CHRM3: variants seen among roughly 807,000 people sequenced by gnomAD.
CHRM3 encodes muscarinic acetylcholine receptor M3.
A neutral mutation model predicts 41.8 loss-of-function variants in CHRM3; 11 were observed. That is an observed-to-expected ratio of 0.26 (90% CI 0.17 to 0.44). CHRM3 has a LOEUF of 0.44. CHRM3 is among the 20% of genes least tolerant of loss of function. The pLI, the probability that CHRM3 is intolerant of heterozygous loss-of-function variation, is 1.00. For synonymous variants in CHRM3, 297 were observed against 301.4 expected (o/e 0.99, Z 0.15); for missense variants, 571 against 745.4 (o/e 0.77, Z 2.72).
intron 1 of CHRM3, among the ~76,000 whole-genome samples, chr1:239,453,929 GCA>G (rs1468454934): frequency 3.3e-5 from 5 of 152,260 alleles, no homozygotes; most frequent in South Asian, 2.1e-4. Context: ...TCAGACCGCA[GCA>G]CAGTTAGGAG....
intron 2 of CHRM3, among the ~76,000 whole-genome samples, chr1:239,532,178 A>G (rs1359547146): frequency 6.9e-6 from 1 of 145,398 alleles, no homozygotes; most frequent in Non-Finnish European, 1.5e-5. Context: ...CGCCCGGCTA[A>G]TTATTTGTAT....
At chr1:239,891,259 G>A (rs1257706986) in intron 6 of CHRM3, among the ~76,000 whole-genome samples, 1 of 151,918 alleles carries the variant, frequency 6.6e-6, no homozygotes, top group Non-Finnish European at 1.5e-5. Flanking sequence ...AATTCAATGG[G>A]GTTTTCTAAA....
intron 4 of CHRM3, among the ~76,000 whole-genome samples, chr1:239,658,058 A>C (rs375008116): frequency 5.3e-5 from 8 of 152,260 alleles, no homozygotes; most frequent in African/African-American, 1.9e-4. Context: ...GAAATTTCAT[A>C]ATTTGCTCTT....
intron 2 of CHRM3, among the ~76,000 whole-genome samples, chr1:239,496,120 T>C (rs1025374421): frequency 2.0e-5 from 3 of 152,122 alleles, no homozygotes; most frequent in African/African-American, 7.2e-5. Flanking sequence ...TTGGCTGACG[T>C]CTCTCTATTT....
At chr1:239,630,298 G>A (rs941528540) in intron 3 of CHRM3, among the ~76,000 whole-genome samples, 5 of 152,080 alleles carry the variant, frequency 3.3e-5, no homozygotes, top group Admixed American at 6.6e-5. Context: ...GCAATGTTGG[G>A]ACTCCTAATT....
chr1:239,402,977 C>A (rs767772326), intron 1 of CHRM3, among the ~76,000 whole-genome samples: 1 of 151,844 alleles, frequency 6.6e-6, no homozygotes, highest in Non-Finnish European at 1.5e-5. Context: ...ATTTTTGATG[C>A]GAGATTAGTT....
At chr1:239,838,098 A>G (rs1238324820) in intron 6 of CHRM3, among the ~76,000 whole-genome samples, 2 of 152,230 alleles carry the variant, frequency 1.3e-5, no homozygotes, top group African/African-American at 2.4e-5. Context: ...AAAGGCCAGG[A>G]CATGTAAAAA....
At chr1:239,436,104 T>A (rs1456175341) in intron 1 of CHRM3, among the ~76,000 whole-genome samples, 2 of 152,162 alleles carry the variant, frequency 1.3e-5, no homozygotes, top group African/African-American at 4.8e-5. Context: ...TGAATATGTG[T>A]GTGTGCATGT....
intron 1 of CHRM3, among the ~76,000 whole-genome samples, chr1:239,414,752 T>G (rs60146392): frequency 0.21 from 31,956 of 152,182 alleles, 3,407 homozygotes; most frequent in South Asian, 0.31. Context: ...GCTTCTGGCC[T>G]TAAGGAACAC....
At chr1:239,416,983 T>A (rs762821476) in intron 1 of CHRM3, among the ~76,000 whole-genome samples, 13 of 152,290 alleles carry the variant, frequency 8.5e-5, no homozygotes, top group Middle Eastern at 3.4e-3. Flanking sequence ...CTATAATGTC[T>A]TGAGAGTTTT....
chr1:239,790,018 C>T (rs79445802), intron 5 of CHRM3, among the ~76,000 whole-genome samples: 4,351 of 152,210 alleles, frequency 0.029, 213 homozygotes, highest in African/African-American at 0.097. Flanking sequence ...CCCCGTTTGG[C>T]GAATTTCTAC....
At chr1:239,792,593 A>G (rs1163749357) in intron 5 of CHRM3, among the ~76,000 whole-genome samples, 1 of 152,218 alleles carries the variant, frequency 6.6e-6, no homozygotes, top group Non-Finnish European at 1.5e-5. Context: ...AAAAACCTAT[A>G]TAGAGGATGA....
intron 5 of CHRM3, among the ~76,000 whole-genome samples, chr1:239,777,328 T>C (rs1464211391): frequency 6.6e-6 from 1 of 152,132 alleles, no homozygotes; most frequent in Non-Finnish European, 1.5e-5. Context: ...TGGAACAACG[T>C]TTGAGGGAGG....
At chr1:239,904,932 A>T (rs2103033362) in intron 6 of CHRM3, among the ~76,000 whole-genome samples, 1 of 152,324 alleles carries the variant, frequency 6.6e-6, no homozygotes, top group South Asian at 2.1e-4. Flanking sequence ...TATGTCTAAC[A>T]TTATAGGTAT....
chr1:239,485,867 T>G (rs914505777), intron 1 of CHRM3, among the ~76,000 whole-genome samples: 18 of 152,210 alleles, frequency 1.2e-4, no homozygotes, highest in African/African-American at 4.3e-4. Context: ...TCTGCCATAC[T>G]CCTTGCAATG....
chr1:239,475,051 C>G (rs1300241785), intron 1 of CHRM3, among the ~76,000 whole-genome samples: 2 of 151,514 alleles, frequency 1.3e-5, no homozygotes, highest in African/African-American at 4.9e-5. Flanking sequence ...TTTGGGGGGA[C>G]CAAAGTACCA....
intron 6 of CHRM3, among the ~76,000 whole-genome samples, chr1:239,832,127 A>G (rs1419463796): frequency 6.6e-6 from 1 of 152,182 alleles, no homozygotes; most frequent in Non-Finnish European, 1.5e-5. Flanking sequence ...ACTTGAGAGG[A>G]AGCAGCTGCA....
intron 6 of CHRM3, among the ~76,000 whole-genome samples, chr1:239,881,840 A>G (rs1424405025): frequency 6.6e-6 from 1 of 152,060 alleles, no homozygotes; most frequent in East Asian, 1.9e-4. Flanking sequence ...ATAAGCACTG[A>G]GGTATTTAGA....
intron 1 of CHRM3, among the ~76,000 whole-genome samples, chr1:239,432,792 T>A (rs2103183931): frequency 6.6e-6 from 1 of 152,334 alleles, no homozygotes; most frequent in Non-Finnish European, 1.5e-5. Flanking sequence ...ATTTTCTATC[T>A]AAGGATCATA....
Sources: gnomAD v4.1 joint callset for allele counts (sites outside exome capture counted in the v4.1 genomes callset) on GRCh38, gnomAD v4.1.1 for gene constraint, MANE v1.5 for transcripts, NCBI Gene and HGNC (gene_info 2026-07-23, HGNC 2026-07-21) for gene names.